The following ATP8B1 variants were observed in gnomAD, a reference collection of about 807,000 sequenced individuals.
ATP8B1 encodes the protein phospholipid-transporting ATPase IC.
In ATP8B1, 80 loss-of-function variants were observed where a neutral mutation model predicts 149.9. That is an observed-to-expected ratio of 0.53 (90% CI 0.45 to 0.64). The LOEUF is 0.64. Ranked by LOEUF, ATP8B1 falls within the 30% of genes least tolerant of loss-of-function variation. ATP8B1 has a pLI of 0.00. For missense variants in ATP8B1, 1,247 were observed against 1,552.6 expected, an observed-to-expected ratio of 0.80 and a Z score of 3.31; for synonymous variants, 536 against 562.8, an observed-to-expected ratio of 0.95 and a Z score of 0.67.
chr18:57,799,776 A>G (rs2080555814), intron 1 of ATP8B1, among the ~76,000 whole-genome samples: 1 of 152,142 alleles, frequency 6.6e-6, no homozygotes, highest in South Asian at 2.1e-4. Context: ...AGACATGCTC[A>G]TATCTATATA....
intron 19 of ATP8B1, chr18:57,668,055 A>G: frequency 3.2e-6 from 4 of 1,259,586 alleles, no homozygotes; most frequent in Non-Finnish European, 4.1e-6. Context: ...AACCAAAGTT[A>G]TTGTTCAGTA....
In ATP8B1 at chr18:57,691,246, C is replaced by T. The variant is rs1249101276; in HGVS notation, c.1220+561G>A. On this transcript the variant is annotated intron_variant, in intron 12 of 27. Transcript: ENST00000648908. ...ACCAAATCAGCTGCTTACCACTTAT[C>T]GGAGATATGCCCCTGACTTTGTTGT... Among the ~76,000 whole-genome samples the T allele has an allele frequency of 4.0e-5, 6 of 151,254 alleles. No individual in the cohort carries two copies. The East Asian group carries it at 5.8e-4, about 15-fold the overall frequency.
chr18:57,770,130 G>A (rs554299678), intron 1 of ATP8B1, among the ~76,000 whole-genome samples: 1 of 149,126 alleles, frequency 6.7e-6, no homozygotes, highest in South Asian at 2.1e-4. Context: ...GTGCAGTGGT[G>A]CGATCTCAGC....
At chr18:57,730,354 A>G (rs947587444) in intron 2 of ATP8B1, among the ~76,000 whole-genome samples, 7 of 148,660 alleles carry the variant, frequency 4.7e-5, no homozygotes, top group African/African-American at 1.5e-4. Context: ...CTAAGGCTGC[A>G]GGGAGGCGTG....
At chr18:57,717,171 G>A (rs935605084) in intron 2 of ATP8B1, among the ~76,000 whole-genome samples, 4 of 152,114 alleles carry the variant, frequency 2.6e-5, no homozygotes, top group African/African-American at 9.7e-5. Flanking sequence ...CACAGTGAAA[G>A]CAGTACTAGG....
intron 1 of ATP8B1, among the ~76,000 whole-genome samples, chr18:57,777,450 G>A (rs1341572142): frequency 6.6e-6 from 1 of 152,212 alleles, no homozygotes; most frequent in East Asian, 1.9e-4. Flanking sequence ...ATATATGTTT[G>A]TAAACACAAA....
At chr18:57,796,401 C>T (rs2080515747) in intron 1 of ATP8B1, among the ~76,000 whole-genome samples, 1 of 152,118 alleles carries the variant, frequency 6.6e-6, no homozygotes, top group South Asian at 2.1e-4. Flanking sequence ...TTCCCAACTA[C>T]TCGGGAGACT....
At chr18:57,763,231 A>G (rs1328395745) in intron 1 of ATP8B1, among the ~76,000 whole-genome samples, 6 of 152,140 alleles carry the variant, frequency 3.9e-5, no homozygotes, top group Admixed American at 6.5e-5. Context: ...TGTCTCTACT[A>G]AAAATACAAA....
At chr18:57,717,547 C>CAAAAAAAA (rs1163024544) in intron 2 of ATP8B1, among the ~76,000 whole-genome samples, 4 of 19,928 alleles carry the variant, frequency 2.0e-4, no homozygotes, top group Non-Finnish European at 2.6e-4. Context: ...GACTCTGTCT[C>CAAAAAAAA]AAAAAAAAAA....
intron 1 of ATP8B1, among the ~76,000 whole-genome samples, chr18:57,782,998 C>T (rs1406233119): frequency 2.0e-5 from 3 of 151,612 alleles, no homozygotes; most frequent in Middle Eastern, 3.4e-3. Context: ...TTTTTAGTAG[C>T]GACAGGGTTT....
In ATP8B1 at chr18:57,674,838, G is replaced by T. The variant is rs375054776; in HGVS notation, c.1815C>A (p.Ile605=). Reference sequence around the variant, plus strand: ...CAGACTCTGAGGGGGACTTACCAATGATAGACATTCGCTTCCGGTCACTGT... The same window carrying T: ...CAGACTCTGAGGGGGACTTACCAATTATAGACATTCGCTTCCGGTCACTGT... ...DFNSDRKRMS[I]IVRTPEGNIK... is the part of the protein sequence containing the mutation. The change falls in exon 16 of 28, where the codon ATC becomes ATA. Residue 605 remains isoleucine (I), a synonymous_variant. Transcript: ENST00000648908. 6.2e-7 allele frequency: 1 copy of T among 1,613,990 alleles called. No individual in the cohort carries two copies. Among genetic ancestry groups the T allele is most frequent in the Non-Finnish European group, 8.5e-7 (1 of 1,179,930 alleles).
chr18:57,661,662 T>G (rs572642600), intron 21 of ATP8B1, among the ~76,000 whole-genome samples, 200 bp from the exon 22 acceptor site: 1 of 100,560 alleles, frequency 9.9e-6, no homozygotes, highest in Non-Finnish European at 2.2e-5. Context: ...CATATATGTA[T>G]GTGTGTATGT....
At chr18:57,724,938 C>G (rs1263155464) in intron 2 of ATP8B1, among the ~76,000 whole-genome samples, 2 of 115,736 alleles carry the variant, frequency 1.7e-5, no homozygotes, top group East Asian at 4.6e-4. Context: ...AGGATGAGTT[C>G]ATGTCCTTTG....
intron 13 of ATP8B1, among the ~76,000 whole-genome samples, chr18:57,687,233 G>A (rs6566892): frequency 0.39 from 58,841 of 152,004 alleles, 13,232 homozygotes; most frequent in African/African-American, 0.63. Context: ...CCATTAAACA[G>A]TAACTCCCAA....
At chr18:57,691,565 C>T (rs1599120662) in intron 12 of ATP8B1, among the ~76,000 whole-genome samples, 1 of 152,168 alleles carries the variant, frequency 6.6e-6, no homozygotes, top group African/African-American at 2.4e-5. Flanking sequence ...GAGTAGCAAT[C>T]GATCTTTGAA....
chr18:57,756,732 A>T (rs546107294), intron 1 of ATP8B1, among the ~76,000 whole-genome samples: 2 of 151,900 alleles, frequency 1.3e-5, no homozygotes, highest in Admixed American at 6.6e-5. Flanking sequence ...GATTTAATTC[A>T]AGGTCTCTGT....
At chr18:57,742,059 AG>A (rs879645751) in intron 1 of ATP8B1, among the ~76,000 whole-genome samples, 36 of 152,072 alleles carry the variant, frequency 2.4e-4, no homozygotes, top group Non-Finnish European at 4.7e-4. Context: ...TAGTAGAGAC[AG>A]GGTTTTACCT....
In ATP8B1 at chr18:57,720,827, T is replaced by C. The variant is rs199778383; in HGVS notation, c.181+10800A>G. 1.8e-3 allele frequency among the ~76,000 whole-genome samples: 271 copies of C among 151,426 alleles called. 9 individuals carry two copies. The East Asian group carries it at 0.044, about 24-fold the overall frequency. ...ACCAAAGTTGAAATGAAAGAAAAAA[T>C]GTTAAGGGCACCCAGAGAGAAAGGT... On this transcript the variant is annotated intron_variant, in intron 2 of 27. Transcript: ENST00000648908.
At chr18:57,699,247 GT>G (rs1599129647) in intron 6 of ATP8B1, among the ~76,000 whole-genome samples, 1 of 152,198 alleles carries the variant, frequency 6.6e-6, no homozygotes, top group Non-Finnish European at 1.5e-5. Context: ...CTATAAATAT[GT>G]TTAGATGGCT....
Sources: gnomAD v4.1 joint callset for allele counts (sites outside exome capture counted in the v4.1 genomes callset) on GRCh38, gnomAD v4.1.1 for gene constraint, MANE v1.5 for transcripts, NCBI Gene and HGNC (gene_info 2026-07-23, HGNC 2026-07-21) for gene names.